SCMH1: variants seen among roughly 807,000 people sequenced by gnomAD.
SCMH1 encodes polycomb protein SCMH1.
In SCMH1, 37 loss-of-function variants were observed where a neutral mutation model predicts 70.8. That is an observed-to-expected ratio of 0.52 (90% CI 0.40 to 0.69). The LOEUF (loss-of-function observed/expected upper bound fraction) is 0.69. Ranked by LOEUF, SCMH1 falls within the 30% of genes least tolerant of loss-of-function variation. SCMH1 has a pLI of 0.00. For missense variants in SCMH1, 607 were observed against 827.3 expected (o/e 0.73, Z 3.27); for synonymous variants, 292 against 307.4 (o/e 0.95, Z 0.52).
At chr1:41,052,178 A>C (rs561269585) in intron 10 of SCMH1, among the ~76,000 whole-genome samples, 1 of 152,338 alleles carries the variant, frequency 6.6e-6, no homozygotes, top group East Asian at 1.9e-4. Flanking sequence ...TAAGTACGCT[A>C]TGACAGGGGT....
intron 8 of SCMH1, among the ~76,000 whole-genome samples, chr1:41,080,306 A>G (rs1659610684): frequency 6.6e-6 from 1 of 151,380 alleles, no homozygotes; most frequent in South Asian, 2.1e-4. Context: ...ATATTTAAAG[A>G]AGAAATAATA....
intron 6 of SCMH1, among the ~76,000 whole-genome samples, chr1:41,137,863 T>C (rs1303074823): frequency 6.6e-6 from 1 of 152,258 alleles, no homozygotes; most frequent in Non-Finnish European, 1.5e-5. Context: ...TTTAGAGTTA[T>C]CTTTCCTTTA....
chr1:41,242,152 G>C (rs1407048661), upstream of SCMH1: 1 of 148,904 alleles, frequency 6.7e-6, no homozygotes, highest in Non-Finnish European at 1.5e-5. This position sits in a 1 kb window ranked among gnomAD's most constrained non-coding sequence, Gnocchi z 5.2. Flanking sequence ...GGAAGGGGGC[G>C]GGCGGGCGGC....
At chr1:41,046,374 C>G (rs571912801) in intron 12 of SCMH1, 33 bp downstream of exon 12, 1 of 1,597,872 alleles carries the variant, frequency 6.3e-7, no homozygotes, top group Non-Finnish European at 8.6e-7. Context: ...CCCTGTCCCC[C>G]ACTCTCAGCC....
chr1:41,080,144 A>G (rs1001765989), intron 8 of SCMH1, among the ~76,000 whole-genome samples: 1 of 151,894 alleles, frequency 6.6e-6, no homozygotes, highest in Non-Finnish European at 1.5e-5. Flanking sequence ...TCTCTCTCTT[A>G]AAACACAAAA....
At chr1:41,153,931 A>G (rs1645291061) in intron 4 of SCMH1, among the ~76,000 whole-genome samples, 1 of 152,248 alleles carries the variant, frequency 6.6e-6, no homozygotes, top group Admixed American at 6.5e-5. Flanking sequence ...AGAGTTAGCA[A>G]GTCTTCTGTT....
intron 1 of SCMH1, among the ~76,000 whole-genome samples, chr1:41,209,146 C>T (rs1314385932): frequency 6.6e-6 from 1 of 152,122 alleles, no homozygotes; most frequent in African/African-American, 2.4e-5. Context: ...GACACATACA[C>T]CCTCCCAAGA....
At chr1:41,214,180 T>G (rs1020916278) in intron 1 of SCMH1, among the ~76,000 whole-genome samples, 22 of 152,090 alleles carry the variant, frequency 1.4e-4, no homozygotes, top group Admixed American at 2.0e-4. Context: ...ACATTAAGCC[T>G]GAGATAAAAA....
chr1:41,179,480 TAAGAA>T (rs1553167242), intron 2 of SCMH1, among the ~76,000 whole-genome samples: 1 of 151,176 alleles, frequency 6.6e-6, no homozygotes, highest in Non-Finnish European at 1.5e-5. Flanking sequence ...GCAAGACTAA[TAAGAA>T]AAGAGAGAAG....
intron 10 of SCMH1, among the ~76,000 whole-genome samples, chr1:41,061,261 T>C (rs762868032): frequency 6.6e-6 from 1 of 152,196 alleles, no homozygotes; most frequent in African/African-American, 2.4e-5. Context: ...TGAATTCTGC[T>C]AAGGTGTAAA....
Position 41,142,874 on chromosome 1 carries a change from T to G in SCMH1, c.412+4A>C, listed in dbSNP as rs1186797647. On this transcript the variant is annotated splice_donor_region_variant and intron_variant, in intron 6 of 14. Transcript: ENST00000337495. ...CTAGAAAGAGTTTGGGTTTACTTAC[T>G]CACCAAGAGGTGGCTGTAGCATACC... 6.2e-7 allele frequency: 1 copy of G among 1,610,420 alleles called. No individual in the cohort carries two copies. Among genetic ancestry groups the G allele is most frequent in the Non-Finnish European group, 8.5e-7 (1 of 1,176,626 alleles).
chr1:41,030,000 G>A (rs1345671904), intron 13 of SCMH1, among the ~76,000 whole-genome samples: 1 of 152,146 alleles, frequency 6.6e-6, no homozygotes, highest in African/African-American at 2.4e-5. Context: ...GATTGCTTGA[G>A]CCCAGGAGTT....
chr1:41,210,515 G>A (rs970963398), intron 1 of SCMH1, among the ~76,000 whole-genome samples: 8 of 152,090 alleles, frequency 5.3e-5, no homozygotes, highest in African/African-American at 1.7e-4. Flanking sequence ...CAGATGTATA[G>A]ACCAATGGAA....
intron 6 of SCMH1, among the ~76,000 whole-genome samples, chr1:41,127,301 T>C (rs1419845930): frequency 6.6e-6 from 1 of 152,214 alleles, no homozygotes; most frequent in Non-Finnish European, 1.5e-5. Context: ...CCATTTATCA[T>C]TTGTCTTTTA....
chr1:41,141,840 C>A (rs1203923094), intron 6 of SCMH1, among the ~76,000 whole-genome samples: 1 of 152,018 alleles, frequency 6.6e-6, no homozygotes, highest in Non-Finnish European at 1.5e-5. Context: ...CAGAGACAGA[C>A]AATCCAGAAA....
intron 8 of SCMH1, among the ~76,000 whole-genome samples, chr1:41,100,814 T>C (rs938627370): frequency 1.3e-5 from 2 of 152,176 alleles, no homozygotes; most frequent in Non-Finnish European, 2.9e-5. Flanking sequence ...TCCGCCTGCC[T>C]TGGCCTCCCA....
rs1303559731 is a variant in SCMH1, at chr1:41,056,454, C to A, written c.1106-7564G>T. ...TCATAAGGATATTTGTGTATACTGTCATTTTTTTTTTTTACTAGATCCATT... is the reference window on the plus strand; with the variant it reads ...TCATAAGGATATTTGTGTATACTGTAATTTTTTTTTTTTACTAGATCCATT... On this transcript the variant is annotated intron_variant, in intron 10 of 14. Transcript: ENST00000337495. Among the ~76,000 whole-genome samples, 3 of 146,882 alleles carry A rather than the reference C, an allele frequency of 2.0e-5. No homozygotes were observed. In the East Asian group the frequency reaches 6.3e-4, roughly 31 times the overall value.
chr1:41,164,376 A>G (rs1646269816), intron 2 of SCMH1, among the ~76,000 whole-genome samples: 1 of 152,006 alleles, frequency 6.6e-6, no homozygotes, highest in Non-Finnish European at 1.5e-5. Context: ...AAAAAAAAAA[A>G]TTCGTATCTT....
At chr1:41,220,408 G>A (rs1659014931) in intron 1 of SCMH1, among the ~76,000 whole-genome samples, 1 of 152,226 alleles carries the variant, frequency 6.6e-6, no homozygotes, top group Admixed American at 6.5e-5. Flanking sequence ...ATAAATGACT[G>A]AAATACATTT....
Sources: allele counts gnomAD v4.1 joint callset (sites outside exome capture counted in the v4.1 genomes callset), GRCh38; gene constraint gnomAD v4.1.1; non-coding constraint Gnocchi (gnomAD v3.1); transcripts MANE v1.5; gene names NCBI Gene and HGNC (gene_info 2026-07-23, HGNC 2026-07-21).